The following NID2 variants were observed in gnomAD, a reference collection of about 807,000 sequenced individuals.
NID2 encodes nidogen 2, also known as nidogen-2.
In NID2, 83 loss-of-function variants were observed where a neutral mutation model predicts 145.4. That is an observed-to-expected ratio of 0.57 (90% CI 0.48 to 0.69). The LOEUF (loss-of-function observed/expected upper bound fraction) is 0.69, where lower values mean the gene tolerates loss of function less well. Ranked by LOEUF, NID2 falls within the 30% of genes least tolerant of loss-of-function variation. The probability of loss-of-function intolerance (pLI) is 0.00; values close to 1 mark genes in which losing one functional copy is unlikely to be tolerated. For synonymous variants in NID2, 739 were observed against 701.3 expected (o/e 1.05, Z -0.85); for missense variants, 1,807 against 1,765.7 (o/e 1.02, Z -0.42).
At chr14:52,009,121 G>A (rs903044326) in intron 18 of NID2, 3 of 152,164 alleles carry the variant, frequency 2.0e-5, no homozygotes, top group African/African-American at 7.2e-5. Context: ...GAAACCATAG[G>A]TTTCCCCTGT....
At chr14:52,062,320 G>T (rs1393352034) in intron 2 of NID2, among the ~76,000 whole-genome samples, 1 of 152,114 alleles carries the variant, frequency 6.6e-6, no homozygotes, top group Non-Finnish European at 1.5e-5. Flanking sequence ...TAGTTTATTT[G>T]TTATTGTTCC....
intron 5 of NID2, among the ~76,000 whole-genome samples, chr14:52,044,367 T>C (rs1892402925): frequency 6.7e-6 from 1 of 149,420 alleles, no homozygotes; most frequent in South Asian, 2.1e-4. Context: ...CCTCCCAGGT[T>C]CACGCCATTC....
chr14:52,030,626 GA>G (rs1891819833), intron 9 of NID2, among the ~76,000 whole-genome samples: 1 of 124,854 alleles, frequency 8.0e-6, no homozygotes, highest in Non-Finnish European at 1.8e-5. Flanking sequence ...AAGAAAGAAA[GA>G]GAAAGAAAGA....
At chr14:52,050,923 C>A (rs1451472503) in intron 5 of NID2, among the ~76,000 whole-genome samples, 1 of 152,214 alleles carries the variant, frequency 6.6e-6, no homozygotes, top group Non-Finnish European at 1.5e-5. Flanking sequence ...TTAGCAAATG[C>A]CAGCCAAAAC....
At position 52,029,620 on chromosome 14, in the gene NID2, G is replaced by C. The variant is rs1342076317; in HGVS notation, c.2328C>G (p.Cys776Trp). Reference sequence around the variant, plus strand: ...TGTAATCTACACCTGTCCCTGGATGGCACCGTGCTGTTGTGTCACACATGT... The same window carrying C: ...TGTAATCTACACCTGTCCCTGGATGCCACCGTGCTGTTGTGTCACACATGT... ...GSHMCDTTAR[C>W]HPGTGVDYTC... The change falls in exon 10 of 22, where the codon TGC becomes TGG. Residue 776 changes from cysteine (C) to tryptophan (W), a missense_variant. Transcript: ENST00000216286. The C allele has an allele frequency of 1.2e-6, 2 of 1,614,024 alleles. No homozygotes were observed. Among genetic ancestry groups the C allele is most frequent in the Non-Finnish European group, 1.7e-6 (2 of 1,179,894 alleles).
chr14:52,026,533 T>C (rs1319944601), intron 12 of NID2, among the ~76,000 whole-genome samples: 1 of 152,258 alleles, frequency 6.6e-6, no homozygotes, highest in Non-Finnish European at 1.5e-5. Flanking sequence ...TTTTGTGATT[T>C]AAGATTTATT....
In NID2 at chr14:52,042,910, T is replaced by C; in HGVS notation, c.1451A>G (p.Asn484Ser). The change falls in exon 6 of 22, where the codon AAC becomes AGC. Residue 484 changes from asparagine to serine, a missense_variant. By Grantham distance (46) the Asn-to-Ser change is conservative. Transcript: ENST00000216286. ...GTGGTTGTGTTCACAGGTTTCCTTG[T>C]TGGCAGCATTATACGTGAAGACTGA... ...NTEVFTYNAA[N>S]KETCEHNHRQ... 6.2e-7 allele frequency: 1 copy of C among 1,614,216 alleles called. No homozygotes were observed. The highest frequency in any genetic ancestry group is 1.3e-5 in the African/African-American group (1 of 75,038).
intron 9 of NID2, among the ~76,000 whole-genome samples, chr14:52,033,848 GA>G (rs1891963994): frequency 6.6e-6 from 1 of 152,190 alleles, no homozygotes; most frequent in Non-Finnish European, 1.5e-5. Flanking sequence ...AGGCAGTCAT[GA>G]GGCCACTGTG....
At chr14:52,041,698 G>T (rs959333022) in intron 7 of NID2, among the ~76,000 whole-genome samples, 4 of 152,132 alleles carry the variant, frequency 2.6e-5, no homozygotes, top group African/African-American at 9.7e-5. Context: ...TACTATTATA[G>T]GTTGTGGAGC....
Position 52,027,254 on chromosome 14 carries a change from G to C in NID2, c.2621C>G (p.Thr874Arg). 1 of 1,590,990 alleles carries C rather than the reference G, an allele frequency of 6.3e-7. No individual in the cohort carries two copies. Among genetic ancestry groups the C allele is most frequent in the Non-Finnish European group, 8.6e-7 (1 of 1,169,164 alleles). ...ACCAGGCAGGCAGGCACAGCTGAAC[G>C]TGCTGCCTCCATGGTGAACACACCG... is the stretch of plus-strand genomic sequence containing the variant. ...QARCVHHGGSTFSCACLPGYA... is the reference protein window; with the variant it reads ...QARCVHHGGSRFSCACLPGYA... The change falls in exon 12 of 22, where the codon ACG (threonine) becomes AGG (arginine). Residue 874 changes from threonine to arginine, a missense_variant. Coordinates refer to ENST00000216286, the MANE Select transcript of NID2 (RefSeq NM_007361.4).
At chr14:52,044,844 G>T (rs564280470) in intron 5 of NID2, among the ~76,000 whole-genome samples, 3 of 151,702 alleles carry the variant, frequency 2.0e-5, no homozygotes, top group Non-Finnish European at 4.4e-5. Context: ...TCTCGGTCTC[G>T]AACTCCTGGG....
chr14:52,043,595 A>T (rs889284241), intron 5 of NID2, among the ~76,000 whole-genome samples: 1 of 152,228 alleles, frequency 6.6e-6, no homozygotes, highest in African/African-American at 2.4e-5. Flanking sequence ...GCAGTAGCAG[A>T]CAGCTTGGGC....
In NID2 at chr14:52,053,830, C is replaced by T. The variant is rs1026074249; in HGVS notation, c.1178G>A (p.Ser393Asn). 5 of 1,614,044 alleles carry T rather than the reference C, an allele frequency of 3.1e-6. No homozygotes were observed. The African/African-American group carries it at 6.7e-5, about 22-fold the overall frequency. ...TCTGTCTACCTCTGGTGGAGCTGGG[C>T]TTCTGGTCTCTCTCTCATCCCAGGG... ...VEPWDERETR[S>N]PAPPEVDRDS... Residue 393 changes from serine (S) to asparagine (N), a missense_variant, in exon 5 of 22, where the codon AGC becomes AAC. Ser to Asn is a conservative substitution (Grantham distance 46, BLOSUM62 1). Transcript: ENST00000216286.
At position 52,068,970 on chromosome 14, in the gene NID2, G is replaced by T; in HGVS notation, c.25C>A (p.Arg9=). 3 of 1,612,062 alleles carry T rather than the reference G, an allele frequency of 1.9e-6. No homozygotes were observed. Among genetic ancestry groups the T allele is most frequent in the Non-Finnish European group, 2.5e-6 (3 of 1,179,392 alleles). MEGDRVAG[R]PVLSSLPVLL... The stretch of plus-strand genomic sequence containing the variant: ...ACTGGTAACGACGACAGCACCGGCC[G>T]CCCGGCCACCCGGTCCCCCTCCATG... Residue 9 remains arginine (R), a synonymous_variant, in exon 1 of 22, where the codon CGG becomes AGG. Coordinates refer to ENST00000216286, the MANE Select transcript of NID2 (RefSeq NM_007361.4).
intron 2 of NID2, among the ~76,000 whole-genome samples, chr14:52,062,478 G>T (rs17124984): frequency 0.28 from 42,736 of 152,062 alleles, 7,775 homozygotes; most frequent in East Asian, 0.56. Context: ...TAAGATAGTC[G>T]ACATCATCAA....
At chr14:52,042,000 A>G in intron 7 of NID2, 105 bp downstream of exon 7, 1 of 1,402,096 alleles carries the variant, frequency 7.1e-7, no homozygotes, top group Non-Finnish European at 9.6e-7. Context: ...AGTACATTAA[A>G]CAAGTGATTC....
rs138102499 is a variant in NID2 at position 52,007,837 on chromosome 14, A to C, written c.3853T>G (p.Ser1285Ala). Residue 1285 changes from serine (S) to alanine (A), a missense_variant, in exon 19 of 22, where the codon TCT becomes GCT. Ser to Ala is a moderately conservative substitution (Grantham distance 99, BLOSUM62 1). Coordinates refer to ENST00000216286, the MANE Select transcript of NID2 (RefSeq NM_007361.4). ...GCATCTGCCCAGCAGAGCAGTTTAGAGAAAGGGTCAAAGGTTAAGCCATTG... is the reference window on the plus strand; with the variant it reads ...GCATCTGCCCAGCAGAGCAGTTTAGCGAAAGGGTCAAAGGTTAAGCCATTG... ...LPNGLTFDPF[S>A]KLLCWADAGT... 3.7e-6 allele frequency: 6 copies of C among 1,613,972 alleles called. No individual in the cohort carries two copies. Among genetic ancestry groups the C allele is most frequent in the Non-Finnish European group, 5.1e-6 (6 of 1,179,946 alleles).
At chr14:52,010,825 CTTCACATCAGGA>C (rs778232346) in intron 18 of NID2, 39 bp downstream of exon 18, 7 of 1,571,460 alleles carry the variant, frequency 4.5e-6, no homozygotes, top group Non-Finnish European at 6.1e-6. Context: ...AACCCAAGGG[CTTCACATCAGGA>C]TCTACAGGTA....
Position 52,020,191 on chromosome 14 carries a change from G to C in NID2, c.2675-13C>G. 6.2e-7 allele frequency: 1 copy of C among 1,613,000 alleles called. No individual in the cohort carries two copies. The highest frequency in any genetic ancestry group is 8.5e-7 in the Non-Finnish European group (1 of 1,179,240). The stretch of plus-strand genomic sequence containing the variant: ...CATTCATCTACATCTGCAGAGGTCA[G>C]AAACAGAAGAAAGAAGCAAAGAACA... On this transcript the variant is annotated splice_polypyrimidine_tract_variant and intron_variant, in intron 12 of 21. Transcript: ENST00000216286.
Sources: allele counts gnomAD v4.1 joint callset (sites outside exome capture counted in the v4.1 genomes callset), GRCh38; gene constraint gnomAD v4.1.1; transcripts MANE v1.5; gene names NCBI Gene and HGNC (gene_info 2026-07-23, HGNC 2026-07-21).